PTP4A3: variants seen among roughly 807,000 people sequenced by gnomAD.
PTP4A3 encodes the protein protein tyrosine phosphatase type IVA 3.
In PTP4A3, 9 loss-of-function variants were observed where a neutral mutation model predicts 15.2. That is an observed-to-expected ratio of 0.59 (90% CI 0.36 to 1.03). The LOEUF is 1.03. PTP4A3 is among the 50% of genes least tolerant of loss of function. PTP4A3 has a pLI of 0.02. For synonymous variants in PTP4A3, 95 were observed against 102.0 expected (o/e 0.93, Z 0.41); for missense variants, 234 against 252.1 (o/e 0.93, Z 0.49).
intron 1 of PTP4A3, among the ~76,000 whole-genome samples, chr8:141,420,230 C>T (rs1438446164): frequency 3.9e-5 from 6 of 152,210 alleles, no homozygotes; most frequent in African/African-American, 7.2e-5. Context: ...GTGACAGGGC[C>T]GGGCTTGGGT....
chr8:141,395,716 A>G (rs375813376), intron 1 of PTP4A3, among the ~76,000 whole-genome samples: 2,458 of 124,660 alleles, frequency 0.02, 14 homozygotes, highest in Non-Finnish European at 0.026. Flanking sequence ...CCGTTCATCT[A>G]CCCGGGGTAG....
intron 2 of PTP4A3, among the ~76,000 whole-genome samples, chr8:141,423,017 G>A (rs1833406569): frequency 6.6e-6 from 1 of 152,226 alleles, no homozygotes; most frequent in South Asian, 2.1e-4. Context: ...GCCGTTTGCA[G>A]CGTCTGCAGT....
chr8:141,400,788 G>A (rs1244600956), intron 1 of PTP4A3, among the ~76,000 whole-genome samples: 5 of 152,210 alleles, frequency 3.3e-5, no homozygotes, highest in South Asian at 2.1e-4. Context: ...CACTGGCCCC[G>A]TGGGGATGGC....
At chr8:141,424,360 C>A (rs549744173) in intron 2 of PTP4A3, among the ~76,000 whole-genome samples, 4 of 152,166 alleles carry the variant, frequency 2.6e-5, no homozygotes, top group African/African-American at 9.7e-5. Context: ...TTTCCCTGGT[C>A]GTGTGGGGCT....
intron 1 of PTP4A3, among the ~76,000 whole-genome samples, chr8:141,401,247 A>C (rs1263627436): frequency 6.6e-6 from 1 of 152,078 alleles, no homozygotes. Context: ...GCTGGGATGG[A>C]AGACAGACAA....
Position 141,396,277 on chromosome 8 carries a change from C to T in PTP4A3, c.-854+4193C>T, listed in dbSNP as rs183958819. Among the ~76,000 whole-genome samples, 66 of 152,326 alleles carry T rather than the reference C, an allele frequency of 4.3e-4. No individual in the cohort carries two copies. The East Asian group carries it at 6.0e-3, about 14-fold the overall frequency. ...TCTGGCGGGTAAGTGTTCATATTAC[C>T]GTCCTGCCCTAGAGCCAGGGAAGGA... is the stretch of plus-strand genomic sequence containing the variant. On this transcript the variant is annotated intron_variant, in intron 1 of 5. Coordinates refer to ENST00000521578, the MANE Select transcript of PTP4A3 (RefSeq NM_032611.3).
At chr8:141,416,835 G>A (rs551478848) in intron 1 of PTP4A3, among the ~76,000 whole-genome samples, 1 of 152,234 alleles carries the variant, frequency 6.6e-6, no homozygotes, top group East Asian at 1.9e-4. Flanking sequence ...CTGGAAGTGT[G>A]GGTGGGGAGA....
In PTP4A3 at chr8:141,422,128, A is replaced by G. The variant is rs1028979136; in HGVS notation, c.-113A>G. 2 of 988,464 alleles carry G rather than the reference A, an allele frequency of 2.0e-6. No individual in the cohort carries two copies. The highest frequency in any genetic ancestry group is 3.2e-5 in the African/African-American group (2 of 61,840). The allele number at this position is 988,464 out of a possible 1,614,324, so 61.2% of individuals were successfully genotyped here. On this transcript the variant is annotated 5_prime_UTR_variant, in exon 2 of 6. Coordinates refer to ENST00000521578, the MANE Select transcript of PTP4A3 (RefSeq NM_032611.3). ...TTTTAAATCTCGTTTCTCTTGGACA[A>G]GCACAGGGATCTCGTTCTCCTCATT...
At chr8:141,426,909 G>T in intron 3 of PTP4A3, 30 bp from the exon 4 acceptor site, 1 of 1,603,326 alleles carries the variant, frequency 6.2e-7, no homozygotes, top group South Asian at 1.1e-5. Flanking sequence ...TCCCTCAGCC[G>T]GGGGTCCTCA....
At chr8:141,418,862 T>TG (rs998959777) in intron 1 of PTP4A3, among the ~76,000 whole-genome samples, 3 of 152,124 alleles carry the variant, frequency 2.0e-5, no homozygotes, top group Non-Finnish European at 4.4e-5. Flanking sequence ...GTGACCTCAC[T>TG]GGGGGCGTGT....
At chr8:141,419,722 C>T (rs1586557549) in intron 1 of PTP4A3, among the ~76,000 whole-genome samples, 1 of 152,308 alleles carries the variant, frequency 6.6e-6, no homozygotes, top group East Asian at 1.9e-4. Context: ...CAGGCATGCA[C>T]TTCCATGCCT....
At chr8:141,427,541 A>G (rs1833634466) in intron 4 of PTP4A3, among the ~76,000 whole-genome samples, 1 of 152,214 alleles carries the variant, frequency 6.6e-6, no homozygotes. Flanking sequence ...CTCCCCCAGC[A>G]GATCACAGAG....
chr8:141,428,460 G>T (rs1833688933), intron 5 of PTP4A3, among the ~76,000 whole-genome samples: 1 of 152,164 alleles, frequency 6.6e-6, no homozygotes, highest in Non-Finnish European at 1.5e-5. Flanking sequence ...GGCACCTGAA[G>T]CCTGCCCCTG....
Position 141,401,937 on chromosome 8 carries a change from G to A in PTP4A3, c.-854+9853G>A, listed in dbSNP as rs542806274. Among the ~76,000 whole-genome samples, 93 of 151,410 alleles carry A rather than the reference G, an allele frequency of 6.1e-4. 1 individual carries two copies. The highest frequency in any genetic ancestry group is 1.9e-3 in the African/African-American group (78 of 40,658). On this transcript the variant is annotated intron_variant, in intron 1 of 5. Transcript: ENST00000521578. ...AAGCTCACAGTCTCAAGGCATGGAC[G>A]AGGCCACTCCAGCTTCAGCCCAGGG...
rs1217441936 is a variant in PTP4A3 at position 141,425,020 on chromosome 8, C to T, written c.106-28C>T. 6.3e-7 allele frequency: 1 copy of T among 1,588,164 alleles called. No homozygotes were observed. Among genetic ancestry groups the T allele is most frequent in the Non-Finnish European group, 8.6e-7 (1 of 1,158,782 alleles). ...CTGAGCCCTGCAGCCCCAGCCCAGCCCTGCCTCCTCCGTCCTCCCACCCCC... is the reference window on the plus strand; with the variant it reads ...CTGAGCCCTGCAGCCCCAGCCCAGCTCTGCCTCCTCCGTCCTCCCACCCCC... On this transcript the variant is annotated intron_variant, in intron 2 of 5. Coordinates refer to ENST00000521578, the MANE Select transcript of PTP4A3 (RefSeq NM_032611.3). This position sits in a 1 kb window ranked among gnomAD's most constrained non-coding sequence, Gnocchi z 4.2.
chr8:141,399,021 C>T (rs940358647), intron 1 of PTP4A3, among the ~76,000 whole-genome samples: 5 of 151,068 alleles, frequency 3.3e-5, no homozygotes, highest in African/African-American at 9.7e-5. Flanking sequence ...GCTCTCCTGG[C>T]CCTGGGTCCC....
chr8:141,396,148 C>T (rs559244787), intron 1 of PTP4A3, among the ~76,000 whole-genome samples: 15 of 152,334 alleles, frequency 9.8e-5, no homozygotes, highest in Non-Finnish European at 1.5e-4. Context: ...CAGCCAGAAC[C>T]GGCCCCATTA....
Position 141,430,915 on chromosome 8 carries a change from C to T in PTP4A3, c.405-12C>T. The T allele has an allele frequency of 6.2e-7, 1 of 1,612,290 alleles. No individual in the cohort carries two copies. The highest frequency in any genetic ancestry group is 8.5e-7 in the Non-Finnish European group (1 of 1,179,264). The stretch of plus-strand genomic sequence containing the variant: ...CCTTGGATGATCTCTGTTCCTGTTC[C>T]CCTCTTCCCAGGAAGCGCCGCGGAG... On this transcript the variant is annotated splice_polypyrimidine_tract_variant and intron_variant, in intron 5 of 5. Coordinates refer to ENST00000521578, the MANE Select transcript of PTP4A3 (RefSeq NM_032611.3).
At chr8:141,400,909 G>A (rs1004332354) in intron 1 of PTP4A3, among the ~76,000 whole-genome samples, 37 of 152,146 alleles carry the variant, frequency 2.4e-4, no homozygotes, top group African/African-American at 8.7e-4. Flanking sequence ...CTTAGAGGTC[G>A]TGGTGGGGCA....
Sources: allele counts gnomAD v4.1 joint callset (sites outside exome capture counted in the v4.1 genomes callset), GRCh38; gene constraint gnomAD v4.1.1; non-coding constraint Gnocchi (gnomAD v3.1); transcripts MANE v1.5; gene names NCBI Gene and HGNC (gene_info 2026-07-23, HGNC 2026-07-21).